Variants in ARHGAP1 observed in about 807,000 individuals in gnomAD.
ARHGAP1 encodes Rho GTPase activating protein 1.
ARHGAP1 carries 23 observed loss-of-function variants against 52.2 expected under a neutral mutation model. The observed-to-expected ratio is 0.44, with a 90% CI of 0.32 to 0.62. ARHGAP1 has a LOEUF of 0.62. ARHGAP1 is among the 20% of genes least tolerant of loss of function. The probability of loss-of-function intolerance (pLI) is 0.05; values close to 1 mark genes in which losing one functional copy is unlikely to be tolerated. For missense variants in ARHGAP1, 480 were observed against 560.9 expected, an observed-to-expected ratio of 0.86 and a Z score of 1.46; for synonymous variants, 210 against 228.4, an observed-to-expected ratio of 0.92 and a Z score of 0.73.
At chr11:46,691,967 C>T (rs905707909) in intron 3 of ARHGAP1, among the ~76,000 whole-genome samples, 9 of 152,190 alleles carry the variant, frequency 5.9e-5, no homozygotes, top group African/African-American at 2.4e-5. Flanking sequence ...CAGGACAGAA[C>T]GTCTCCAGAT....
At position 46,680,086 on chromosome 11, in the gene ARHGAP1, G is replaced by T; in HGVS notation, c.898+119C>A. 1 of 1,278,082 alleles carries T rather than the reference G, an allele frequency of 7.8e-7. No homozygotes were observed. The highest frequency in any genetic ancestry group is 1.1e-6 in the Non-Finnish European group (1 of 890,340). The allele number at this position is 1,278,082 out of a possible 1,614,324, so 79.2% of individuals were successfully genotyped here. A position where few individuals can be genotyped will look rare whatever the true frequency, so the allele number is the denominator to read the frequency against. The stretch of plus-strand genomic sequence containing the variant: ...AAGTAGGACTTATGTGACACCCAGA[G>T]CCACGGAAACCTCCAGCAGGAAGAG... On this transcript the variant is annotated intron_variant, in intron 10 of 12. Transcript: ENST00000311956. This position sits in a 1 kb window ranked among gnomAD's most constrained non-coding sequence, Gnocchi z 5.9.
In ARHGAP1 at chr11:46,678,738, A is replaced by T; in HGVS notation, c.*299T>A. The T allele has an allele frequency of 2.6e-6, 1 of 379,582 alleles. No individual in the cohort carries two copies. Among genetic ancestry groups the T allele is most frequent in the Non-Finnish European group, 4.8e-6 (1 of 208,962 alleles). 23.5% of individuals were successfully genotyped at this position (379,582 alleles called of 1,614,324 possible). ...TAGGGAAACAGAGGCAGGAAAAAGC[A>T]GGAAAGGGGTTACTGGGGCTCAGTC... On this transcript the variant is annotated 3_prime_UTR_variant, in exon 13 of 13. Coordinates refer to ENST00000311956, the MANE Select transcript of ARHGAP1 (RefSeq NM_004308.5).
rs144522434 is a variant in ARHGAP1 at position 46,680,675 on chromosome 11, G to T, written c.708C>A (p.Pro236=). 1,047 of 1,606,194 alleles carry T rather than the reference G, an allele frequency of 6.5e-4. 9 individuals carry two copies. In the African/African-American group the frequency reaches 0.011, roughly 17 times the overall value. The change falls in exon 8 of 13, where the codon CCC becomes CCA. Residue 236 remains proline, a synonymous_variant. Coordinates refer to ENST00000311956, the MANE Select transcript of ARHGAP1 (RefSeq NM_004308.5). The surrounding 1 kb of genome is among the most constrained non-coding windows in gnomAD (Gnocchi z 5.9). Reference sequence around the variant, plus strand: ...AGACTCCAAACTGCTGGTTGGGCAGGGGGGGCCGTGGGGGCATGGGCTTGG... The same window carrying T: ...AGACTCCAAACTGCTGGTTGGGCAGTGGGGGCCGTGGGGGCATGGGCTTGG... ...TAPKPMPPRP[P]LPNQQFGVSL... is the part of the protein sequence containing the mutation.
Position 46,688,192 on chromosome 11 carries a change from C to A in ARHGAP1, c.298G>T (p.Asp100Tyr), listed in dbSNP as rs537320455. 1.2e-6 allele frequency: 2 copies of A among 1,613,864 alleles called. No individual in the cohort carries two copies. The highest frequency in any genetic ancestry group is 1.1e-5 in the South Asian group (1 of 90,942). ...ACRMPPSHQLDHSKLLGYLKH... is the reference protein window; with the variant it reads ...ACRMPPSHQLYHSKLLGYLKH... ...ACTCACCCCAGGAGCTTGCTGTGGT[C>A]GAGCTGGTGGCTGGGGGGCATTCGA... The change falls in exon 4 of 13, where the codon GAC becomes TAC. Residue 100 changes from aspartate (D) to tyrosine (Y), a missense_variant. Physicochemically the swap from Asp to Tyr is radical, Grantham distance 160. Transcript: ENST00000311956.
Position 46,681,303 on chromosome 11 carries a change from G to T in ARHGAP1, c.526C>A (p.Pro176Thr). The change falls in exon 6 of 13, where the codon CCC (proline) becomes ACC (threonine). Residue 176 changes from proline (P) to threonine (T), a missense_variant. Coordinates refer to ENST00000311956, the MANE Select transcript of ARHGAP1 (RefSeq NM_004308.5). This position sits in a 1 kb window ranked among gnomAD's most constrained non-coding sequence, Gnocchi z 5.7. ...FIKTLLILFK[P>T]LISFKFGQKI... ...CCCGTGGCCACTCACCTGATGAGGGGCTTGAAGAGGATGAGCAGAGTTTTG... is the reference window on the plus strand; with the variant it reads ...CCCGTGGCCACTCACCTGATGAGGGTCTTGAAGAGGATGAGCAGAGTTTTG... The T allele has an allele frequency of 2.5e-6, 4 of 1,613,222 alleles. No homozygotes were observed. Among genetic ancestry groups the T allele is most frequent in the Non-Finnish European group, 3.4e-6 (4 of 1,179,166 alleles).
rs1200770439 is a variant in ARHGAP1, at chr11:46,678,662, T to A, written c.*375A>T. ...TTCCCAGCAATCAAGAGGGGAGGAC[T>A]GGCCCCTGCTACCAGCCCAGCCGGC... On this transcript the variant is annotated 3_prime_UTR_variant, in exon 13 of 13. Transcript: ENST00000311956. 4.5e-6 allele frequency: 1 copy of A among 223,062 alleles called. No individual in the cohort carries two copies. 13.8% of individuals were successfully genotyped at this position (223,062 alleles called of 1,614,324 possible).
intron 3 of ARHGAP1, among the ~76,000 whole-genome samples, chr11:46,694,630 GTCAAGTTCAGAACCT>G (rs1165978884): frequency 2.0e-5 from 3 of 152,300 alleles, no homozygotes; most frequent in African/African-American, 7.2e-5. Context: ...CCAGACTCCA[GTCAAGTTCAGAACCT>G]TCAAGGTGAC....
rs752531676 is a variant in ARHGAP1 at position 46,696,002 on chromosome 11, C to T, written c.106G>A (p.Asp36Asn). The change falls in exon 2 of 13, where the codon GAT becomes AAT. Residue 36 changes from aspartate (D) to asparagine (N), a missense_variant. Asp to Asn is a conservative substitution (Grantham distance 23). Coordinates refer to ENST00000311956, the MANE Select transcript of ARHGAP1 (RefSeq NM_004308.5). This position sits in a 1 kb window ranked among gnomAD's most constrained non-coding sequence, Gnocchi z 4.8. The stretch of plus-strand genomic sequence containing the variant: ...GACTTGGGGAAGTCAGGCATTTCAT[C>T]CGAGGGCCAGTTCTTCTCATCGATG... ...ASIDEKNWPSDEMPDFPKSDD... is the reference protein window; with the variant it reads ...ASIDEKNWPSNEMPDFPKSDD... The T allele has an allele frequency of 6.2e-7, 1 of 1,614,218 alleles. No homozygotes were observed. Among genetic ancestry groups the T allele is most frequent in the Non-Finnish European group, 8.5e-7 (1 of 1,180,030 alleles).
Position 46,678,251 on chromosome 11 carries a change from GTCACTGATTCCA to G in ARHGAP1, c.*774_*785del, listed in dbSNP as rs1220991282. 58 of 179,944 alleles carry G rather than the reference GTCACTGATTCCA, an allele frequency of 3.2e-4. No individual in the cohort carries two copies. In the Admixed American group the frequency reaches 3.3e-3, roughly 10 times the overall value. 11.1% of individuals were successfully genotyped at this position (179,944 alleles called of 1,614,324 possible). On this transcript the variant is annotated 3_prime_UTR_variant, in exon 13 of 13. Coordinates refer to ENST00000311956, the MANE Select transcript of ARHGAP1 (RefSeq NM_004308.5). Reference sequence around the variant, plus strand: ...AAGAGGGGAGAGGCTAACCTGGCCGGTCACTGATTCCATCACACGCTGTAGCTCTCGGGGGCG... The same window carrying G: ...AAGAGGGGAGAGGCTAACCTGGCCGGTCACACGCTGTAGCTCTCGGGGGCG...
At chr11:46,688,131 G>A (rs2064585173) in intron 4 of ARHGAP1, 42 bp downstream of exon 4, 1 of 1,579,892 alleles carries the variant, frequency 6.3e-7, no homozygotes, top group South Asian at 1.1e-5. Flanking sequence ...CTACAATGGG[G>A]ATCTGGGCAA....
At chr11:46,694,591 G>C (rs2064638713) in intron 3 of ARHGAP1, among the ~76,000 whole-genome samples, 1 of 152,194 alleles carries the variant, frequency 6.6e-6, no homozygotes, top group Admixed American at 6.5e-5. Flanking sequence ...ATGATGTCAG[G>C]ACAGAGACTC....
rs956021712 is a variant in ARHGAP1, at chr11:46,678,607, G to A, written c.*430C>T. The A allele has an allele frequency of 1.6e-5, 3 of 190,134 alleles. No individual in the cohort carries two copies. Among genetic ancestry groups the A allele is most frequent in the African/African-American group, 2.4e-5 (1 of 41,802 alleles). The allele number at this position is 190,134 out of a possible 1,614,324, so 11.8% of individuals were successfully genotyped here. On this transcript the variant is annotated 3_prime_UTR_variant, in exon 13 of 13. Transcript: ENST00000311956. ...ATAGGGAGGCACCTCAGCTTGGGGC[G>A]GTGTCCACACCAAAGAGCTCAGCTG...
chr11:46,689,909 A>G (rs1419290086), intron 3 of ARHGAP1, among the ~76,000 whole-genome samples: 1 of 152,170 alleles, frequency 6.6e-6, no homozygotes, highest in Non-Finnish European at 1.5e-5. Context: ...TTATAAGTCT[A>G]CACTTTTCCA....
chr11:46,678,985 A>G lies in ARHGAP1; in HGVS notation c.*52T>C. Reference sequence around the variant, plus strand: ...TTCATGGCCCCTGATGCCAGGAGGAAGAGTCCAAACCCGGGCTACCAGAGA... The same window carrying G: ...TTCATGGCCCCTGATGCCAGGAGGAGGAGTCCAAACCCGGGCTACCAGAGA... On this transcript the variant is annotated 3_prime_UTR_variant, in exon 13 of 13. Transcript: ENST00000311956. The G allele has an allele frequency of 6.3e-7, 1 of 1,585,782 alleles. No individual in the cohort carries two copies. Among genetic ancestry groups the G allele is most frequent in the Non-Finnish European group, 8.6e-7 (1 of 1,159,270 alleles).
intron 3 of ARHGAP1, among the ~76,000 whole-genome samples, chr11:46,689,517 A>T (rs995627304): frequency 6.6e-6 from 1 of 152,104 alleles, no homozygotes; most frequent in South Asian, 2.1e-4. Flanking sequence ...GAATTTTGTT[A>T]TGTGATTCTT....
intron 4 of ARHGAP1, chr11:46,686,697 G>A (rs2064571314): frequency 6.6e-6 from 1 of 150,852 alleles, no homozygotes; most frequent in South Asian, 2.1e-4. Flanking sequence ...AGGATTACAG[G>A]CGTGAGCCAC....
At chr11:46,688,765 G>A (rs538598545) in intron 3 of ARHGAP1, among the ~76,000 whole-genome samples, 44 of 150,878 alleles carry the variant, frequency 2.9e-4, no homozygotes, top group African/African-American at 8.7e-4. Flanking sequence ...GTGAGCCACC[G>A]CACCCAGCCA....
chr11:46,678,930 G>GGGT lies in ARHGAP1; in HGVS notation c.*104_*106dup. On this transcript the variant is annotated 3_prime_UTR_variant, in exon 13 of 13. Coordinates refer to ENST00000311956, the MANE Select transcript of ARHGAP1 (RefSeq NM_004308.5). ...AGAGGTGGGGGAGAGCATGCCTGAT[G>GGGT]GGTGGCTCCAACATCTCTCTCCAGG... is the stretch of plus-strand genomic sequence containing the variant. 2 of 1,272,726 alleles carry GGGT rather than the reference G, an allele frequency of 1.6e-6. No individual in the cohort carries two copies. The highest frequency in any genetic ancestry group is 2.2e-6 in the Non-Finnish European group (2 of 921,298). The allele number at this position is 1,272,726 out of a possible 1,614,324, so 78.8% of individuals were successfully genotyped here. A position where few individuals can be genotyped will look rare whatever the true frequency, so the allele number is the denominator to read the frequency against.
chr11:46,679,950 C>A lies in ARHGAP1; in HGVS notation c.899-174G>T. 7 of 1,187,250 alleles carry A rather than the reference C, an allele frequency of 5.9e-6. No homozygotes were observed. The highest frequency in any genetic ancestry group is 5.8e-6 in the Non-Finnish European group (5 of 865,106). The allele number at this position is 1,187,250 out of a possible 1,614,324, so 73.5% of individuals were successfully genotyped here. On this transcript the variant is annotated intron_variant, in intron 10 of 12. Coordinates refer to ENST00000311956, the MANE Select transcript of ARHGAP1 (RefSeq NM_004308.5). The surrounding 1 kb of genome is among the most constrained non-coding windows in gnomAD (Gnocchi z 4.4). ...CCTCTGTGATCAGAGAATGCAGGTTCCGGCCATCTGGGGAAGTGGGGCCCG... is the reference window on the plus strand; with the variant it reads ...CCTCTGTGATCAGAGAATGCAGGTTACGGCCATCTGGGGAAGTGGGGCCCG...
Sources: gnomAD v4.1 joint callset for allele counts (sites outside exome capture counted in the v4.1 genomes callset) on GRCh38, gnomAD v4.1.1 for gene constraint, Gnocchi (gnomAD v3.1) non-coding constraint, MANE v1.5 for transcripts, NCBI Gene and HGNC (gene_info 2026-07-23, HGNC 2026-07-21) for gene names.